Variants in LTBP1 observed in about 807,000 individuals in gnomAD.
The protein encoded by LTBP1 is latent-transforming growth factor beta-binding protein 1.
A neutral mutation model predicts 207.6 loss-of-function variants in LTBP1; 129 were observed. That is an observed-to-expected ratio of 0.62 (90% CI 0.54 to 0.72). The LOEUF is 0.72. Among genes scored for constraint, LTBP1 ranks in the 30% least tolerant of loss-of-function variants. LTBP1 has a pLI of 0.00. For synonymous variants in LTBP1, 963 were observed against 833.7 expected (o/e 1.16, Z -2.67); for missense variants, 2,281 against 2,217.2 (o/e 1.03, Z -0.58).
Position 33,217,532 on chromosome 2 carries a change from T to A in LTBP1, c.1702-20T>A, listed in dbSNP as rs1270133607. On this transcript the variant is annotated intron_variant, in intron 7 of 33. Coordinates refer to ENST00000404816, the MANE Select transcript of LTBP1 (RefSeq NM_206943.4). ...TCCTGCACTCAATTAACCTTCATAT[T>A]TCACACCTAATCATTGCAGTGTGGC... 3 of 1,585,294 alleles carry A rather than the reference T, an allele frequency of 1.9e-6. No homozygotes were observed. In the East Asian group the frequency reaches 6.7e-5, roughly 35 times the overall value.
intron 3 of LTBP1, among the ~76,000 whole-genome samples, chr2:33,106,414 G>A (rs916862361): frequency 6.6e-6 from 1 of 152,176 alleles, no homozygotes; most frequent in Non-Finnish European, 1.5e-5. Flanking sequence ...CACTATCTAT[G>A]GCAGCTGGAG....
chr2:33,280,201 A>G lies in LTBP1; in HGVS notation c.3112+43A>G, dbSNP rs188464768. Reference sequence around the variant, plus strand: ...CTTATCAAAGATTTGTTTCTTCTGCATGGCCCATTTTCTGATAGAGTGGTG... The same window carrying G: ...CTTATCAAAGATTTGTTTCTTCTGCGTGGCCCATTTTCTGATAGAGTGGTG... On this transcript the variant is annotated intron_variant, in intron 19 of 33. Coordinates refer to ENST00000404816, the MANE Select transcript of LTBP1 (RefSeq NM_206943.4). The G allele has an allele frequency of 2.4e-4, 381 of 1,574,620 alleles. 3 individuals are homozygous for G. In the East Asian group the frequency reaches 7.0e-3, roughly 29 times the overall value.
At chr2:33,351,873 G>A (rs139239351) in intron 26 of LTBP1, among the ~76,000 whole-genome samples, 1 of 152,194 alleles carries the variant, frequency 6.6e-6, no homozygotes, top group East Asian at 1.9e-4. Context: ...TAACATCCCA[G>A]GCAGTTACAT....
At chr2:33,185,444 G>A (rs1022991952) in intron 5 of LTBP1, among the ~76,000 whole-genome samples, 25 of 152,124 alleles carry the variant, frequency 1.6e-4, no homozygotes, top group African/African-American at 4.1e-4. Flanking sequence ...TTTGAAGCTC[G>A]GAAGAAAGCT....
chr2:33,016,299 T>C (rs1688368222), intron 2 of LTBP1, among the ~76,000 whole-genome samples: 1 of 152,148 alleles, frequency 6.6e-6, no homozygotes, highest in Admixed American at 6.5e-5. Context: ...CCTTAACATT[T>C]ACCCTTGGTC....
chr2:32,953,830 G>A (rs1229862666), intron 2 of LTBP1, among the ~76,000 whole-genome samples: 1 of 152,166 alleles, frequency 6.6e-6, no homozygotes, highest in Non-Finnish European at 1.5e-5. Flanking sequence ...ACATGTTCGA[G>A]AGCTCAAATT....
intron 3 of LTBP1, among the ~76,000 whole-genome samples, chr2:33,044,204 T>G (rs2076333640): frequency 6.6e-6 from 1 of 152,110 alleles, no homozygotes; most frequent in South Asian, 2.1e-4. Flanking sequence ...CATGGTGGTT[T>G]GCTGCACCCA....
intron 30 of LTBP1, 107 bp from the exon 31 acceptor site, chr2:33,365,226 A>C (rs767714021): frequency 9.7e-6 from 9 of 924,474 alleles, no homozygotes; most frequent in Admixed American, 2.2e-5. Flanking sequence ...CTTGGAAGTC[A>C]CTCTTAGAAA....
chr2:33,092,595 A>G (rs777383540), intron 3 of LTBP1, among the ~76,000 whole-genome samples: 1 of 151,960 alleles, frequency 6.6e-6, no homozygotes, highest in African/African-American at 2.4e-5. Context: ...AATGGGATGA[A>G]TGTTTTTTCT....
chr2:33,012,752 C>T (rs1687846089), intron 2 of LTBP1, among the ~76,000 whole-genome samples: 1 of 152,136 alleles, frequency 6.6e-6, no homozygotes, highest in Admixed American at 6.5e-5. Context: ...AAGGTATTGT[C>T]TTCCTTTGAA....
intron 3 of LTBP1, among the ~76,000 whole-genome samples, chr2:33,079,842 CT>C (rs2149850463): frequency 6.6e-6 from 1 of 152,164 alleles, no homozygotes; most frequent in African/African-American, 2.4e-5. Flanking sequence ...AACAGATTGC[CT>C]TTTCTTTTCA....
chr2:33,000,136 C>T (rs1349454651), intron 2 of LTBP1, among the ~76,000 whole-genome samples: 2 of 135,148 alleles, frequency 1.5e-5, no homozygotes, highest in Non-Finnish European at 3.3e-5. Context: ...TACTCAAAGG[C>T]TGTGATCTGG....
intron 25 of LTBP1, among the ~76,000 whole-genome samples, chr2:33,344,301 T>C (rs1309982575): frequency 6.6e-6 from 1 of 152,242 alleles, no homozygotes; most frequent in East Asian, 1.9e-4. Context: ...TTCAAACTCC[T>C]GCTTTGGCCA....
chr2:33,138,088 A>C (rs2082287880), intron 5 of LTBP1, among the ~76,000 whole-genome samples: 1 of 152,018 alleles, frequency 6.6e-6, no homozygotes, highest in South Asian at 2.1e-4. Context: ...AGATATGTGG[A>C]GGTTGTTCTT....
At position 33,001,784 on chromosome 2, in the gene LTBP1, T is replaced by C. The variant is rs1348198359; in HGVS notation, c.566-19125T>C. On this transcript the variant is annotated intron_variant, in intron 2 of 33. Coordinates refer to ENST00000404816, the MANE Select transcript of LTBP1 (RefSeq NM_206943.4). ...ACAAGGATCTGACAGTAGCTTCTTA[T>C]TGCCAGGGCTTGATTAGAATGTGAC... 3.7e-5 allele frequency among the ~76,000 whole-genome samples: 5 copies of C among 135,418 alleles called. 2 individuals carry two copies. Among genetic ancestry groups the C allele is most frequent in the Admixed American group, 3.0e-4 (4 of 13,172 alleles). The allele number at this position is 135,418 out of a possible 152,430, so 88.8% of individuals were successfully genotyped here. A position where few individuals can be genotyped will look rare whatever the true frequency, so the allele number is the denominator to read the frequency against.
At chr2:33,360,056 A>G (rs943410513) in intron 26 of LTBP1, among the ~76,000 whole-genome samples, 30 of 152,164 alleles carry the variant, frequency 2.0e-4, no homozygotes, top group Admixed American at 6.5e-5. Flanking sequence ...GCAACAATTT[A>G]AGTAGTTAGA....
chr2:33,141,150 G>A (rs1426090795), intron 5 of LTBP1, among the ~76,000 whole-genome samples: 3 of 152,172 alleles, frequency 2.0e-5, no homozygotes, highest in South Asian at 4.1e-4. Flanking sequence ...TGGCTACAAC[G>A]TGGATGAACC....
chr2:33,289,322 C>A (rs1481063651), intron 19 of LTBP1, among the ~76,000 whole-genome samples: 3 of 152,098 alleles, frequency 2.0e-5, no homozygotes, highest in African/African-American at 7.2e-5. Flanking sequence ...TCTCAAAAGC[C>A]CATTGGTAAA....
In LTBP1 at chr2:33,300,633, G is replaced by C. The variant is rs1054424589; in HGVS notation, c.3358+60G>C. 2.7e-5 allele frequency: 42 copies of C among 1,543,992 alleles called. No individual in the cohort carries two copies. The Middle Eastern group carries it at 7.1e-4, about 26-fold the overall frequency. On this transcript the variant is annotated intron_variant, in intron 21 of 33. Transcript: ENST00000404816. ...AGCTTAAAGCACCTGGTCTGAAAAAGGTACGCTCAATCAAGTGAGTTTACC... is the reference window on the plus strand; with the variant it reads ...AGCTTAAAGCACCTGGTCTGAAAAACGTACGCTCAATCAAGTGAGTTTACC...
Sources: allele counts gnomAD v4.1 joint callset (sites outside exome capture counted in the v4.1 genomes callset), GRCh38; gene constraint gnomAD v4.1.1; transcripts MANE v1.5; gene names NCBI Gene and HGNC (gene_info 2026-07-23, HGNC 2026-07-21).